Variants in ARRDC2 observed in about 807,000 individuals in gnomAD.
ARRDC2 encodes arrestin domain containing 2, also known as arrestin domain-containing protein 2.
In ARRDC2, 39 loss-of-function variants were observed where a neutral mutation model predicts 38.9. That is an observed-to-expected ratio of 1.00 (90% CI 0.78 to 1.31). ARRDC2 has a LOEUF of 1.31. Among genes scored for constraint, ARRDC2 ranks in the 50% most tolerant of loss-of-function variants. The probability of loss-of-function intolerance (pLI) is 0.00; values close to 1 mark genes in which losing one functional copy is unlikely to be tolerated. For missense variants in ARRDC2, 553 were observed against 588.4 expected, an observed-to-expected ratio of 0.94 and a Z score of 0.62; for synonymous variants, 300 against 261.9, an observed-to-expected ratio of 1.15 and a Z score of -1.41.
In ARRDC2 at chr19:18,009,782, G is replaced by A; in HGVS notation, c.593-1G>A. 6.2e-7 allele frequency: 1 copy of A among 1,613,112 alleles called. No homozygotes were observed. Among genetic ancestry groups the A allele is most frequent in the South Asian group, 1.1e-5 (1 of 91,072 alleles). On this transcript the variant is annotated splice_acceptor_variant, in intron 4 of 7. Transcript: ENST00000222250. LOFTEE classifies it high-confidence loss of function. ...TGAGGCCCCACTGCTCCTTGCTGCAGGAGAGGTCATCCCTGTCTTTGCCGA... is the reference window on the plus strand; with the variant it reads ...TGAGGCCCCACTGCTCCTTGCTGCAAGAGAGGTCATCCCTGTCTTTGCCGA...
At chr19:18,007,742 C>T (rs934341941), upstream of ARRDC2, 1 of 165,138 alleles carries the variant, frequency 6.1e-6, no homozygotes, top group Admixed American at 6.5e-5. Flanking sequence ...GGGAAACAGG[C>T]CTGGAACAGT....
At position 18,010,600 on chromosome 19, in the gene ARRDC2, C is replaced by T. The variant is rs201004110; in HGVS notation, c.1041C>T (p.Ala347=). 9.9e-6 allele frequency: 16 copies of T among 1,613,632 alleles called. No homozygotes were observed. Among genetic ancestry groups the T allele is most frequent in the African/African-American group, 6.7e-5 (5 of 74,914 alleles). ...CTCCTGAGTACTCGGAGGTGGTAGC[C>T]GACACTGAGGAGGCAGCCTTGGGGC... ...EAPPEYSEVV[A]DTEEAALGQS... Residue 347 remains alanine (A), a synonymous_variant, in exon 7 of 8, where the codon GCC becomes GCT. Coordinates refer to ENST00000222250, the MANE Select transcript of ARRDC2 (RefSeq NM_015683.2).
intron 3 of ARRDC2, chr19:18,009,325 C>T (rs2033354263): frequency 6.1e-6 from 4 of 658,482 alleles, no homozygotes; most frequent in Non-Finnish European, 1.0e-5. Flanking sequence ...CCTCTCTGAG[C>T]CTCAGATGCC....
At chr19:18,001,433 G>C (rs1232132616) in exon 1 of ARRDC2, 1 of 1,239,638 alleles carries the variant, frequency 8.1e-7, no homozygotes, top group Admixed American at 4.2e-5. Context: ...GCGCCGCTGC[G>C]GGTGCGAGCG....
In ARRDC2 at chr19:18,012,946, C is replaced by A; in HGVS notation, c.1204C>A (p.Pro402Thr). 6.2e-7 allele frequency: 1 copy of A among 1,613,906 alleles called. No individual in the cohort carries two copies. Among genetic ancestry groups the A allele is most frequent in the Non-Finnish European group, 8.5e-7 (1 of 1,179,948 alleles). Reference sequence around the variant, plus strand: ...AAACCCACTCTTGGGGGACATGAGGCCGCGCTGCATGACTTGCTGAACGGC... The same window carrying A: ...AAACCCACTCTTGGGGGACATGAGGACGCGCTGCATGACTTGCTGAACGGC... The part of the protein sequence containing the change: ...DPNPLLGDMR[P>T]RCMTC The change falls in exon 8 of 8, where the codon CCG becomes ACG. Residue 402 changes from proline (P) to threonine (T), a missense_variant. This residue lies in a region of ARRDC2 where 100 missense variants were observed against 107.6 expected (regional missense o/e 0.93). Transcript: ENST00000222250.
upstream of ARRDC2, chr19:18,007,479 G>A (rs1344459368): frequency 6.6e-6 from 1 of 152,388 alleles, no homozygotes; most frequent in African/African-American, 2.4e-5. Context: ...TCAAGAGCAG[G>A]TTGATGACCC....
chr19:18,008,877 T>C, intron 2 of ARRDC2, 94 bp from the exon 3 acceptor site: 1 of 1,592,248 alleles, frequency 6.3e-7, no homozygotes, highest in Non-Finnish European at 8.6e-7. Flanking sequence ...CCCAAGACTC[T>C]CCCCCTGGGA....
chr19:18,013,014 C>A lies in ARRDC2; in HGVS notation c.*48C>A. 1 of 1,596,376 alleles carries A rather than the reference C, an allele frequency of 6.3e-7. No individual in the cohort carries two copies. The highest frequency in any genetic ancestry group is 8.6e-7 in the Non-Finnish European group (1 of 1,166,166). Reference sequence around the variant, plus strand: ...AACAAGGTTGCACACCAGCTTTCAGCCACCATGACTGTGGGGAGTGGCTGG... The same window carrying A: ...AACAAGGTTGCACACCAGCTTTCAGACACCATGACTGTGGGGAGTGGCTGG... On this transcript the variant is annotated 3_prime_UTR_variant, in exon 8 of 8. Coordinates refer to ENST00000222250, the MANE Select transcript of ARRDC2 (RefSeq NM_015683.2).
At position 18,013,674 on chromosome 19, in the gene ARRDC2, C is replaced by G. The variant is rs1046583711; in HGVS notation, c.*708C>G. The G allele has an allele frequency of 6.6e-6, 1 of 152,212 alleles. No homozygotes were observed. Among genetic ancestry groups the G allele is most frequent in the African/African-American group, 2.4e-5 (1 of 41,428 alleles). The allele number at this position is 152,212 out of a possible 1,614,324, so 9.4% of individuals were successfully genotyped here. ...TGAAGACTTTGAAAGCCAGAGATTC[C>G]TGGCGCAGGCTTGGACTTCCTGGGA... On this transcript the variant is annotated 3_prime_UTR_variant, in exon 8 of 8. Transcript: ENST00000222250.
chr19:18,004,549 G>A (rs1460487433), upstream of ARRDC2, among the ~76,000 whole-genome samples: 4 of 149,416 alleles, frequency 2.7e-5, no homozygotes, highest in Admixed American at 2.7e-4. Context: ...GCCCGGCCAA[G>A]GTGGGCTAAT....
intron 6 of ARRDC2, 65 bp from the exon 7 acceptor site, chr19:18,010,507 G>A (rs1461754864): frequency 3.2e-6 from 5 of 1,580,630 alleles, no homozygotes; most frequent in Non-Finnish European, 4.3e-6. Context: ...CCAGCTCCTG[G>A]CCCCTGGTCC....
chr19:18,009,891 A>C lies in ARRDC2; in HGVS notation c.701A>C (p.Lys234Thr), dbSNP rs747747074. ...ACGTTCATGGCCCGAGGCGCCCGAA[A>C]GCAGAAACGGGCAGTGGTGGCCAGC... The part of the protein sequence containing the change: ...TQTFMARGAR[K>T]QKRAVVASLA... The change falls in exon 5 of 8, where the codon AAG (lysine) becomes ACG (threonine). Residue 234 changes from lysine to threonine, a missense_variant. Coordinates refer to ENST00000222250, the MANE Select transcript of ARRDC2 (RefSeq NM_015683.2). 1.2e-6 allele frequency: 2 copies of C among 1,610,514 alleles called. No individual in the cohort carries two copies. The highest frequency in any genetic ancestry group is 2.2e-5 in the South Asian group (2 of 91,076).
In ARRDC2 at chr19:18,010,125, C is replaced by T. The variant is rs1351657824; in HGVS notation, c.850-71C>T. 5.6e-6 allele frequency: 9 copies of T among 1,606,780 alleles called. No homozygotes were observed. The African/African-American group carries it at 1.2e-4, about 22-fold the overall frequency. ...TGGGGGAAGCTGAGGCCTCAGTCTCCCCAGGCATAGGAGGGAGGTGGGGGT... is the reference window on the plus strand; with the variant it reads ...TGGGGGAAGCTGAGGCCTCAGTCTCTCCAGGCATAGGAGGGAGGTGGGGGT... On this transcript the variant is annotated intron_variant, in intron 5 of 7. Coordinates refer to ENST00000222250, the MANE Select transcript of ARRDC2 (RefSeq NM_015683.2).
At chr19:18,008,672 C>G (rs1000794531) in intron 1 of ARRDC2, 39 bp from the exon 2 acceptor site, 6 of 1,609,086 alleles carry the variant, frequency 3.7e-6, no homozygotes, top group African/African-American at 1.3e-5. Context: ...GGGACCCCAG[C>G]GCAACCGCTC....
upstream of ARRDC2, chr19:18,008,164 C>T (rs2033320597): frequency 3.0e-6 from 4 of 1,342,240 alleles, no homozygotes; most frequent in Non-Finnish European, 3.8e-6. Context: ...CGACGCACGG[C>T]GCGGGGATTT....
chr19:18,008,702 T>A lies in ARRDC2; in HGVS notation c.275-9T>A, dbSNP rs1811612294. The A allele has an allele frequency of 6.2e-7, 1 of 1,612,776 alleles. No homozygotes were observed. Among genetic ancestry groups the A allele is most frequent in the African/African-American group, 1.3e-5 (1 of 74,894 alleles). On this transcript the variant is annotated splice_polypyrimidine_tract_variant and intron_variant, in intron 1 of 7. Coordinates refer to ENST00000222250, the MANE Select transcript of ARRDC2 (RefSeq NM_015683.2). ...CCGCTCAGTCGCCTCCTTTTTCTCC[T>A]ACCTGCAGATACCGGGGAGACCACG...
At chr19:18,005,334 A>G (rs1259807772), upstream of ARRDC2, among the ~76,000 whole-genome samples, 1 of 152,078 alleles carries the variant, frequency 6.6e-6, no homozygotes, top group African/African-American at 2.4e-5. Context: ...CAGGATCACA[A>G]AGCAGAAGAA....
chr19:18,013,343 A>G lies in ARRDC2; in HGVS notation c.*377A>G, dbSNP rs933388029. ...AGAAGAAGAGACCTGCAACTGTGAG[A>G]GTCCAGACAGGAAGCAGAGAAGGCG... On this transcript the variant is annotated 3_prime_UTR_variant, in exon 8 of 8. Transcript: ENST00000222250. 14 of 198,670 alleles carry G rather than the reference A, an allele frequency of 7.0e-5. No individual in the cohort carries two copies. The South Asian group carries it at 8.4e-4, about 12-fold the overall frequency. The allele number at this position is 198,670 out of a possible 1,614,324, so 12.3% of individuals were successfully genotyped here.
upstream of ARRDC2, among the ~76,000 whole-genome samples, chr19:18,004,513 C>G (rs1428763325): frequency 6.7e-6 from 1 of 150,090 alleles, no homozygotes; most frequent in East Asian, 2.1e-4. Flanking sequence ...TCCCAAAGTG[C>G]TGGGATTACA....
Sources: gnomAD v4.1 joint callset for allele counts (sites outside exome capture counted in the v4.1 genomes callset) on GRCh38, gnomAD v4.1.1 for gene constraint, gnomAD v4.1.1 regional missense constraint, MANE v1.5 for transcripts, NCBI Gene and HGNC (gene_info 2026-07-23, HGNC 2026-07-21) for gene names.